The following RAD50 variants were observed in gnomAD, a reference collection of about 807,000 sequenced individuals.
RAD50 encodes DNA repair protein RAD50.
In RAD50, 132 loss-of-function variants were observed where a neutral mutation model predicts 168.8. That is an observed-to-expected ratio of 0.78 (90% CI 0.68 to 0.90). The LOEUF is 0.90. RAD50 is among the 40% of genes least tolerant of loss of function. The pLI, the probability that RAD50 is intolerant of heterozygous loss-of-function variation, is 0.00. For missense variants in RAD50, 1,347 were observed against 1,534.4 expected (o/e 0.88, Z 2.04); for synonymous variants, 525 against 497.4 (o/e 1.06, Z -0.74).
intron 23 of RAD50, 34 bp from the exon 24 acceptor site, chr5:132,640,638 G>A (rs891502842): frequency 4.3e-6 from 7 of 1,613,992 alleles, no homozygotes; most frequent in African/African-American, 2.7e-5. Context: ...GAGAAGGTCT[G>A]TGCTGGGCTT....
chr5:132,595,282 G>A (rs780414748), intron 12 of RAD50: 1 of 580,578 alleles, frequency 1.7e-6, no homozygotes, highest in Admixed American at 3.1e-5. Context: ...AGGTGTGAAT[G>A]AGATTGTAAT....
intron 21 of RAD50, among the ~76,000 whole-genome samples, chr5:132,619,869 A>G (rs371351755): frequency 8.3e-4 from 81 of 97,554 alleles, no homozygotes; most frequent in African/African-American, 2.2e-3. Flanking sequence ...TATATATATA[A>G]AGATATATAT....
chr5:132,565,385 A>C (rs192138626), intron 2 of RAD50, among the ~76,000 whole-genome samples: 6 of 152,026 alleles, frequency 3.9e-5, no homozygotes, highest in African/African-American at 1.4e-4. Flanking sequence ...TCAATGTCTC[A>C]TCGTTGCATC....
chr5:132,565,199 G>C (rs1199124437), intron 2 of RAD50, among the ~76,000 whole-genome samples: 1 of 152,124 alleles, frequency 6.6e-6, no homozygotes, highest in Non-Finnish European at 1.5e-5. Flanking sequence ...ATGATTGTAA[G>C]TTTCCTGAGG....
intron 13 of RAD50, chr5:132,600,148 C>T (rs990717514): frequency 1.3e-5 from 2 of 152,190 alleles, no homozygotes; most frequent in Non-Finnish European, 2.9e-5. Flanking sequence ...GGTAATACAG[C>T]AGTAAACAAA....
intron 1 of RAD50, among the ~76,000 whole-genome samples, chr5:132,558,707 C>T (rs1409827447): frequency 1.6e-5 from 2 of 125,460 alleles, no homozygotes; most frequent in Non-Finnish European, 3.2e-5. Context: ...GAGGGAGACT[C>T]TCTCCCCCCA....
At position 132,644,464 on chromosome 5, in the gene RAD50, C is replaced by G. The variant is rs1054851365; in HGVS notation, c.*2100C>G. ...TGGGGACCTTGAGCAAGTTATTTGT[C>G]CTGTTTTCTGTTTCCTTATATGTAA... On this transcript the variant is annotated 3_prime_UTR_variant, in exon 25 of 25. Transcript: ENST00000378823. 5.7e-6 allele frequency: 1 copy of G among 175,992 alleles called. No individual in the cohort carries two copies. Among genetic ancestry groups the G allele is most frequent in the Non-Finnish European group, 1.2e-5 (1 of 81,730 alleles). The allele number at this position is 175,992 out of a possible 1,614,324, so 10.9% of individuals were successfully genotyped here. A position where few individuals can be genotyped will look rare whatever the true frequency, so the allele number is the denominator to read the frequency against.
chr5:132,563,673 C>G (rs894992144), intron 2 of RAD50, among the ~76,000 whole-genome samples: 1 of 152,122 alleles, frequency 6.6e-6, no homozygotes, highest in African/African-American at 2.4e-5. Flanking sequence ...TTGCATTTAT[C>G]CATGGTTGGG....
At chr5:132,573,556 C>T (rs1188894746) in intron 2 of RAD50, among the ~76,000 whole-genome samples, 2 of 152,160 alleles carry the variant, frequency 1.3e-5, no homozygotes, top group East Asian at 1.9e-4. Context: ...CCCCTGGCCC[C>T]TCCCAAATCT....
Position 132,604,787 on chromosome 5 carries a change from A to G in RAD50, c.2525-19A>G. 6.4e-7 allele frequency: 1 copy of G among 1,563,430 alleles called. No homozygotes were observed. On this transcript the variant is annotated intron_variant, in intron 15 of 24. Coordinates refer to ENST00000378823, the MANE Select transcript of RAD50 (RefSeq NM_005732.4). ...CTATGCCCTTACATTAATTACTGTG[A>G]TAATATGTTTTTGTGTAGTTTCTAG... is the stretch of plus-strand genomic sequence containing the variant.
Position 132,622,878 on chromosome 5 carries a change from G to A in RAD50, c.3389+4584G>A, listed in dbSNP as rs139442108. ...GAAATTTTGGTTTTATATTAACTAAGAGCTCCAGAGAAAACATTGGCCTGC... is the reference window on the plus strand; with the variant it reads ...GAAATTTTGGTTTTATATTAACTAAAAGCTCCAGAGAAAACATTGGCCTGC... On this transcript the variant is annotated intron_variant, in intron 21 of 24. Transcript: ENST00000378823. Among the ~76,000 whole-genome samples the A allele has an allele frequency of 4.0e-3, 616 of 152,236 alleles. 1 individual carries two copies. Among genetic ancestry groups the A allele is most frequent in the African/African-American group, 0.014 (569 of 41,528 alleles).
At position 132,556,983 on chromosome 5, in the gene RAD50, T is replaced by G. The variant is rs530247843; in HGVS notation, c.-342T>G. 5.1e-4 allele frequency: 465 copies of G among 911,224 alleles called. 2 individuals carry two copies. In the African/African-American group the frequency reaches 6.2e-3, roughly 12 times the overall value. 56.4% of individuals were successfully genotyped at this position (911,224 alleles called of 1,614,324 possible). Reference sequence around the variant, plus strand: ...CGTGCGGGCCTAGAGGCCCACGTGATCCGCAGGGCGGCCGAGGCAGGAAGC... The same window carrying G: ...CGTGCGGGCCTAGAGGCCCACGTGAGCCGCAGGGCGGCCGAGGCAGGAAGC... On this transcript the variant is annotated 5_prime_UTR_variant, in exon 1 of 25. Transcript: ENST00000378823.
chr5:132,585,635 G>A (rs1477535021), intron 5 of RAD50, among the ~76,000 whole-genome samples: 2 of 133,232 alleles, frequency 1.5e-5, no homozygotes, highest in Admixed American at 8.6e-5. Context: ...ACAGGGTCTC[G>A]CTGTCTTACC....
chr5:132,564,984 G>A (rs1467619998), intron 2 of RAD50, among the ~76,000 whole-genome samples: 1 of 152,222 alleles, frequency 6.6e-6, no homozygotes, highest in Non-Finnish European at 1.5e-5. Context: ...TGGATGTCCA[G>A]GCAGAAGTCT....
Position 132,604,076 on chromosome 5 carries a change from TAG to T in RAD50, c.2524+34_2524+35del, listed in dbSNP as rs750365755. 3.1e-6 allele frequency: 5 copies of T among 1,611,408 alleles called. No individual in the cohort carries two copies. The South Asian group carries it at 5.5e-5, about 18-fold the overall frequency. On this transcript the variant is annotated intron_variant, in intron 15 of 24. Coordinates refer to ENST00000378823, the MANE Select transcript of RAD50 (RefSeq NM_005732.4). ...TACAGTCTGTGTCCTTCTGTACTCATAGAGACTTTGACATTGCGAGCACATGC... is the reference window on the plus strand; with the variant it reads ...TACAGTCTGTGTCCTTCTGTACTCATAGACTTTGACATTGCGAGCACATGC...
intron 19 of RAD50, among the ~76,000 whole-genome samples, chr5:132,613,598 T>TC (rs1751125842): frequency 6.8e-6 from 1 of 146,840 alleles, no homozygotes; most frequent in African/African-American, 2.6e-5. Flanking sequence ...AATAGTCTTT[T>TC]TTTTTTTTTT....
chr5:132,625,375 C>T (rs6873732), intron 21 of RAD50, among the ~76,000 whole-genome samples: 39,161 of 151,906 alleles, frequency 0.26, 5,575 homozygotes, highest in African/African-American at 0.38. Context: ...CGTGAGCCAC[C>T]GCGCCCGGCC....
chr5:132,576,055 AT>A, intron 3 of RAD50, 127 bp downstream of exon 3: 10 of 999,728 alleles, frequency 1.0e-5, no homozygotes, highest in Non-Finnish European at 1.1e-5. Flanking sequence ...TTTAGACTTT[AT>A]TTTTTTAGAG....
chr5:132,560,489 A>G (rs1750105975), intron 2 of RAD50, among the ~76,000 whole-genome samples: 1 of 152,214 alleles, frequency 6.6e-6, no homozygotes, highest in Non-Finnish European at 1.5e-5. Flanking sequence ...CTCTCTCCTT[A>G]AATCTACAAT....
Sources: gnomAD v4.1 joint callset for allele counts (sites outside exome capture counted in the v4.1 genomes callset) on GRCh38, gnomAD v4.1.1 for gene constraint, MANE v1.5 for transcripts, NCBI Gene and HGNC (gene_info 2026-07-23, HGNC 2026-07-21) for gene names.